ASB2: variants seen among roughly 807,000 people sequenced by gnomAD.
ASB2 encodes ankyrin repeat and SOCS box containing 2.
In ASB2, 58 loss-of-function variants were observed where a neutral mutation model predicts 62.4. The observed-to-expected ratio is 0.93, with a 90% CI of 0.75 to 1.16. The LOEUF (loss-of-function observed/expected upper bound fraction) is 1.16. Ranked by LOEUF, ASB2 falls within the 50% of genes most tolerant of loss-of-function variation. The pLI, the probability that ASB2 is intolerant of heterozygous loss-of-function variation, is 0.00. For missense variants in ASB2, 928 were observed against 887.9 expected (o/e 1.05, Z -0.57); for synonymous variants, 386 against 385.3 (o/e 1.00, Z -0.02).
At chr14:93,938,526 C>G (rs1205532703) in intron 8 of ASB2, among the ~76,000 whole-genome samples, 1 of 152,248 alleles carries the variant, frequency 6.6e-6, no homozygotes, top group Admixed American at 6.5e-5. Flanking sequence ...AGGCGTGAGC[C>G]ACCGCGCCCG....
At chr14:93,957,133 AC>A (rs1166343932) in intron 2 of ASB2, 14 of 1,033,566 alleles carry the variant, frequency 1.4e-5, no homozygotes, top group Admixed American at 3.9e-5. Context: ...ACCTCACCCC[AC>A]CCCCCGGTCC....
intron 6 of ASB2, among the ~76,000 whole-genome samples, chr14:93,948,866 G>T (rs1430247619): frequency 6.6e-6 from 1 of 152,230 alleles, no homozygotes; most frequent in Non-Finnish European, 1.5e-5. Context: ...AGCCCAGGAG[G>T]TTGATATAGG....
chr14:93,939,672 C>A lies in ASB2; in HGVS notation c.1053G>T (p.Arg351Ser). The A allele has an allele frequency of 6.9e-7, 1 of 1,452,480 alleles. No homozygotes were observed. The highest frequency in any genetic ancestry group is 1.4e-5 in the South Asian group (1 of 72,062). 90.0% of individuals were successfully genotyped at this position (1,452,480 alleles called of 1,614,324 possible). A position where few individuals can be genotyped will look rare whatever the true frequency, so the allele number is the denominator to read the frequency against. The change falls in exon 8 of 10, where the codon AGG becomes AGT. Residue 351 changes from arginine to serine, a missense_variant and splice_region_variant. Arg to Ser is a moderately radical substitution (Grantham distance 110, BLOSUM62 -1). Transcript: ENST00000555019. The stretch of plus-strand genomic sequence containing the variant: ...TCACCGGCAGCAGCATCTGCACGAT[C>A]CTGCCGGGTCGAGGGGCGGGCGCGG... ...LHIASKKGNY[R>S]IVQMLLPVTS... is the part of the protein sequence containing the mutation.
Position 93,951,108 on chromosome 14 carries a change from C to T in ASB2, c.771G>A (p.Leu257=), listed in dbSNP as rs776739949. 6 of 1,614,106 alleles carry T rather than the reference C, an allele frequency of 3.7e-6. No homozygotes were observed. In the African/African-American group the frequency reaches 8.0e-5, roughly 22 times the overall value. Residue 257 remains leucine (L), a synonymous_variant, in exon 6 of 10, where the codon CTG becomes CTA. Transcript: ENST00000555019. ...ATTCCACCTTGGCTCCTCCGCTCAC[C>T]AGGATCTGCATGACCTCCAGGTCAT... ...SRNDLEVMQI[L]VSGGAKVESK... is the part of the protein sequence containing the mutation.
At chr14:93,952,685 C>T (rs1889014137) in intron 5 of ASB2, among the ~76,000 whole-genome samples, 1 of 152,172 alleles carries the variant, frequency 6.6e-6, no homozygotes. Context: ...GTCTTGGTGC[C>T]TTAGGTCCTC....
intron 1 of ASB2, among the ~76,000 whole-genome samples, chr14:93,966,979 G>A (rs1234759746): frequency 6.6e-6 from 1 of 152,200 alleles, no homozygotes. Flanking sequence ...CCCGATGCTT[G>A]GAGTGCTGTT....
intron 7 of ASB2, among the ~76,000 whole-genome samples, chr14:93,944,947 G>T (rs1166685696): frequency 6.6e-6 from 1 of 152,200 alleles, no homozygotes; most frequent in Non-Finnish European, 1.5e-5. Flanking sequence ...CCAGATGAAG[G>T]TCCCAGCCCT....
chr14:93,935,780 T>C (rs993907239), intron 9 of ASB2, among the ~76,000 whole-genome samples: 1 of 152,198 alleles, frequency 6.6e-6, no homozygotes, highest in Admixed American at 6.5e-5. Flanking sequence ...ACACTTCCAC[T>C]GCCCTCTGAG....
Position 93,939,599 on chromosome 14 carries a change from C to G in ASB2, c.1126G>C (p.Ala376Pro), listed in dbSNP as rs746416016. ...ACCTCGTCGTGGTTGCGCTCGGCCG[C>G]CAGGTGCAGCGGACTGACGCCGCTA... is the stretch of plus-strand genomic sequence containing the variant. ...RRSGVSPLHLAAERNHDEVLE... is the reference protein window; with the variant it reads ...RRSGVSPLHLPAERNHDEVLE... Residue 376 changes from alanine to proline, a missense_variant, in exon 8 of 10, where the codon GCG becomes CCG. Physicochemically the swap from Ala to Pro is conservative, Grantham distance 27. Transcript: ENST00000555019. 1.6e-5 allele frequency: 25 copies of G among 1,566,624 alleles called. No individual in the cohort carries two copies. The highest frequency in any genetic ancestry group is 2.1e-5 in the Non-Finnish European group (24 of 1,162,404).
Position 93,934,578 on chromosome 14 carries a change from T to G in ASB2, c.*78A>C. ...CAGCCTCGTCTGTCACCAGGTCCCC[T>G]TGGAGTTGGGAACACCGACGTCCTG... On this transcript the variant is annotated 3_prime_UTR_variant, in exon 10 of 10. Coordinates refer to ENST00000555019, the MANE Select transcript of ASB2 (RefSeq NM_001202429.2). 4 of 1,487,670 alleles carry G rather than the reference T, an allele frequency of 2.7e-6. No individual in the cohort carries two copies. The highest frequency in any genetic ancestry group is 2.8e-6 in the Non-Finnish European group (3 of 1,076,654). The allele number at this position is 1,487,670 out of a possible 1,614,324, so 92.2% of individuals were successfully genotyped here.
intron 2 of ASB2, among the ~76,000 whole-genome samples, chr14:93,961,037 A>G (rs1458822685): frequency 6.6e-6 from 1 of 152,152 alleles, no homozygotes; most frequent in African/African-American, 2.4e-5. Flanking sequence ...TCTAGTTGGG[A>G]ACACTCTCAG....
chr14:93,942,902 A>G (rs998718942), intron 7 of ASB2, among the ~76,000 whole-genome samples: 1 of 152,126 alleles, frequency 6.6e-6, no homozygotes, highest in Non-Finnish European at 1.5e-5. Flanking sequence ...CCCTTTATTG[A>G]GCTCCAGTGG....
Position 93,954,351 on chromosome 14 carries a change from A to G in ASB2, c.444T>C (p.Tyr148=), listed in dbSNP as rs770374251. The change falls in exon 4 of 10, where the codon TAT becomes TAC. Residue 148 remains tyrosine, a synonymous_variant. Coordinates refer to ENST00000555019, the MANE Select transcript of ASB2 (RefSeq NM_001202429.2). ...GWLPLHEAAY[Y]GQVGCLKVLQ... Reference sequence around the variant, plus strand: ...GGACTTTCAGGCAGCCCACCTGGCCATAGTATGCGGCCTCGTGCAGCGGCA... The same window carrying G: ...GGACTTTCAGGCAGCCCACCTGGCCGTAGTATGCGGCCTCGTGCAGCGGCA... 6.2e-7 allele frequency: 1 copy of G among 1,613,814 alleles called. No individual in the cohort carries two copies. Among genetic ancestry groups the G allele is most frequent in the East Asian group, 2.2e-5 (1 of 44,876 alleles).
intron 9 of ASB2, 122 bp downstream of exon 9, chr14:93,937,576 G>C: frequency 9.8e-7 from 1 of 1,017,028 alleles, no homozygotes; most frequent in Admixed American, 2.6e-5. Flanking sequence ...CATCCAAGGA[G>C]TTACAGAGCC....
At chr14:93,951,953 CA>C (rs1216053541) in intron 5 of ASB2, among the ~76,000 whole-genome samples, 1 of 152,220 alleles carries the variant, frequency 6.6e-6, no homozygotes, top group Non-Finnish European at 1.5e-5. Flanking sequence ...GCTCTGGCCC[CA>C]GAGTTCTCAC....
In ASB2 at chr14:93,934,804, A is replaced by G. The variant is rs1309770270; in HGVS notation, c.1772-12T>C. On this transcript the variant is annotated splice_polypyrimidine_tract_variant and intron_variant, in intron 9 of 9. Coordinates refer to ENST00000555019, the MANE Select transcript of ASB2 (RefSeq NM_001202429.2). The stretch of plus-strand genomic sequence containing the variant: ...AGGTCTTGGAGGTTCTGAAAAAAGG[A>G]GGGAAAGACAGAGGCTGATTTGTCA... 2 of 1,610,102 alleles carry G rather than the reference A, an allele frequency of 1.2e-6. No individual in the cohort carries two copies. Among genetic ancestry groups the G allele is most frequent in the Non-Finnish European group, 1.7e-6 (2 of 1,176,538 alleles).
intron 2 of ASB2, among the ~76,000 whole-genome samples, chr14:93,958,624 A>G (rs1889308250): frequency 1.3e-5 from 2 of 152,164 alleles, no homozygotes; most frequent in Admixed American, 1.3e-4. Context: ...TGTCCAACAG[A>G]TCCCAGAGCC....
At chr14:93,964,644 A>G in intron 1 of ASB2, 32 bp from the exon 2 acceptor site, 8 of 1,041,728 alleles carry the variant, frequency 7.7e-6, no homozygotes, top group Non-Finnish European at 1.0e-5. Context: ...CCTGGTCACG[A>G]ACAGTTTTGC....
At chr14:93,965,079 C>T (rs1889546576) in intron 1 of ASB2, among the ~76,000 whole-genome samples, 1 of 152,150 alleles carries the variant, frequency 6.6e-6, no homozygotes, top group Admixed American at 6.5e-5. Flanking sequence ...TCCTCCCATC[C>T]CTCCATTATC....
Sources: allele counts gnomAD v4.1 joint callset (sites outside exome capture counted in the v4.1 genomes callset), GRCh38; gene constraint gnomAD v4.1.1; transcripts MANE v1.5; gene names NCBI Gene and HGNC (gene_info 2026-07-23, HGNC 2026-07-21).